Variants in TDP1 observed in about 807,000 individuals in gnomAD.
TDP1 encodes tyrosyl-DNA phosphodiesterase 1, also known as tyr-DNA phosphodiesterase 1.
A neutral mutation model predicts 81.5 loss-of-function variants in TDP1; 64 were observed. That is an observed-to-expected ratio of 0.79 (90% confidence interval 0.64 to 0.97). TDP1 has a LOEUF of 0.97. Among genes scored for constraint, TDP1 ranks in the 50% least tolerant of loss-of-function variants. TDP1 has a pLI of 0.00. For missense variants in TDP1, 723 were observed against 743.8 expected (o/e 0.97, Z 0.33); for synonymous variants, 256 against 264.3 (o/e 0.97, Z 0.30).
chr14:90,014,242 G>A (rs965211404), intron 14 of TDP1, among the ~76,000 whole-genome samples: 2 of 152,192 alleles, frequency 1.3e-5, no homozygotes, highest in African/African-American at 2.4e-5. Context: ...TAAAGATTAT[G>A]TTCCTGTGTA....
At chr14:90,038,188 T>G (rs1012504318) in intron 16 of TDP1, among the ~76,000 whole-genome samples, 2 of 152,210 alleles carry the variant, frequency 1.3e-5, no homozygotes, top group Non-Finnish European at 2.9e-5. Context: ...TTTCAAAATT[T>G]TTTTTAAAAT....
chr14:89,995,608 A>C (rs34966456), intron 14 of TDP1, among the ~76,000 whole-genome samples: 13,897 of 152,232 alleles, frequency 0.091, 1,383 homozygotes, highest in African/African-American at 0.25. Flanking sequence ...TAATAAAGGA[A>C]AGTATAGTTT....
chr14:89,998,738 C>T (rs930137731), intron 14 of TDP1, among the ~76,000 whole-genome samples: 3 of 151,582 alleles, frequency 2.0e-5, no homozygotes, highest in Non-Finnish European at 4.4e-5. Context: ...TGCTGAGGGA[C>T]GCGGGGTGGG....
intron 14 of TDP1, among the ~76,000 whole-genome samples, chr14:89,999,954 G>A (rs916099745): frequency 3.2e-4 from 48 of 152,246 alleles, no homozygotes; most frequent in Non-Finnish European, 6.0e-4. Context: ...CATGGTTCCC[G>A]TGGGTCAGGA....
intron 11 of TDP1, chr14:89,989,311 G>T: frequency 2.0e-6 from 2 of 985,050 alleles, no homozygotes; most frequent in Non-Finnish European, 2.4e-6. Context: ...TTGCCGATTC[G>T]TTCAGGAGCT....
At chr14:89,989,230 G>A (rs1895917315) in intron 11 of TDP1, 140 bp downstream of exon 11, 16 of 1,417,332 alleles carry the variant, frequency 1.1e-5, no homozygotes, top group Admixed American at 2.3e-5. Context: ...GGCGGGGTGC[G>A]GAAAGAGCAG....
intron 16 of TDP1, among the ~76,000 whole-genome samples, chr14:90,041,756 A>T (rs1194295807): frequency 6.6e-6 from 1 of 152,186 alleles, no homozygotes; most frequent in African/African-American, 2.4e-5. Context: ...AATCCTTGTG[A>T]TGTATTTACG....
At chr14:90,002,700 T>C (rs1171683231) in intron 14 of TDP1, among the ~76,000 whole-genome samples, 3 of 142,894 alleles carry the variant, frequency 2.1e-5, no homozygotes, top group African/African-American at 5.2e-5. Flanking sequence ...TAAAACCCCA[T>C]CTCTACAAAA....
rs1223616334 is a variant in TDP1 at position 89,998,370 on chromosome 14, CATTATATATA to C, written c.1541+4888_1541+4897del. Among the ~76,000 whole-genome samples, 363 of 98,254 alleles carry C rather than the reference CATTATATATA, an allele frequency of 3.7e-3. 3 individuals are homozygous for C. The highest frequency in any genetic ancestry group is 0.013 in the African/African-American group (277 of 20,546). 64.5% of individuals were successfully genotyped at this position (98,254 alleles called of 152,430 possible). A position where few individuals can be genotyped will look rare whatever the true frequency, so the allele number is the denominator to read the frequency against. ...GCAGTTCCAGGCACAGTTCCAAGCA[CATTATATATA>C]TATATATATATATATATATATATAT... On this transcript the variant is annotated intron_variant, in intron 14 of 16. Coordinates refer to ENST00000335725, the MANE Select transcript of TDP1 (RefSeq NM_018319.4).
Position 90,043,344 on chromosome 14 carries a change from C to T in TDP1, c.*201C>T. The T allele has an allele frequency of 1.5e-6, 1 of 652,424 alleles. No homozygotes were observed. The highest frequency in any genetic ancestry group is 2.6e-6 in the Non-Finnish European group (1 of 380,252). The allele number at this position is 652,424 out of a possible 1,614,324, so 40.4% of individuals were successfully genotyped here. On this transcript the variant is annotated 3_prime_UTR_variant, in exon 17 of 17. Coordinates refer to ENST00000335725, the MANE Select transcript of TDP1 (RefSeq NM_018319.4). ...CTAATAAAGTATTAGTTTCTTAATT[C>T]ACTTTTATATGTTTTGGAAAGAAAA... is the stretch of plus-strand genomic sequence containing the variant.
intron 10 of TDP1, among the ~76,000 whole-genome samples, chr14:89,986,619 G>A (rs1458671102): frequency 6.6e-6 from 1 of 152,200 alleles, no homozygotes; most frequent in Non-Finnish European, 1.5e-5. Context: ...AGGAAGGCCG[G>A]CCGGTGATTA....
intron 16 of TDP1, among the ~76,000 whole-genome samples, chr14:90,042,043 G>A (rs144559060): frequency 6.6e-5 from 10 of 152,266 alleles, no homozygotes; most frequent in African/African-American, 2.2e-4. Flanking sequence ...TAAGAGGGAC[G>A]GAGGAGGTGG....
At chr14:90,028,595 T>C (rs893567931) in intron 15 of TDP1, among the ~76,000 whole-genome samples, 37 of 152,214 alleles carry the variant, frequency 2.4e-4, no homozygotes, top group Non-Finnish European at 7.4e-5. Context: ...TCCTCTGTTT[T>C]GTAAAATGCC....
intron 15 of TDP1, among the ~76,000 whole-genome samples, chr14:90,030,978 G>A (rs1473923753): frequency 6.6e-6 from 1 of 151,416 alleles, no homozygotes; most frequent in African/African-American, 2.4e-5. Context: ...TCACCATGTT[G>A]TCTAGGCTGG....
intron 4 of TDP1, 48 bp downstream of exon 4, chr14:89,966,238 T>A: frequency 8.2e-7 from 1 of 1,217,842 alleles, no homozygotes; most frequent in Non-Finnish European, 1.2e-6. Context: ...AGTAGACAGG[T>A]AATTAAACAA....
At chr14:90,018,016 C>G (rs1388954990) in intron 14 of TDP1, among the ~76,000 whole-genome samples, 2 of 152,014 alleles carry the variant, frequency 1.3e-5, no homozygotes, top group African/African-American at 4.8e-5. Flanking sequence ...AAGAGTTTTC[C>G]TTAGCTCTGA....
chr14:89,971,257 A>T lies in TDP1; in HGVS notation c.742A>T (p.Ile248Phe). Residue 248 changes from isoleucine to phenylalanine, a missense_variant, in exon 6 of 17, where the codon ATC (isoleucine) becomes TTC (phenylalanine). Transcript: ENST00000335725. The stretch of plus-strand genomic sequence containing the variant: ...TGCCCAGGCCAAGCCTTACGAGAAC[A>T]TCTCTCTCTGCCAGGTAAGCCACTT... The part of the protein sequence containing the change: ...LHAQAKPYEN[I>F]SLCQAKLDIA... The T allele has an allele frequency of 6.2e-7, 1 of 1,613,994 alleles. No individual in the cohort carries two copies. Among genetic ancestry groups the T allele is most frequent in the Non-Finnish European group, 8.5e-7 (1 of 1,179,868 alleles).
intron 15 of TDP1, chr14:90,022,708 C>CGTTG (rs1267173851): frequency 1.0e-6 from 1 of 981,308 alleles, no homozygotes; most frequent in African/African-American, 1.7e-5. Context: ...TATATCACAA[C>CGTTG]ATCTATGTTG....
chr14:90,023,267 C>T (rs1886297748), intron 15 of TDP1, among the ~76,000 whole-genome samples: 2 of 152,170 alleles, frequency 1.3e-5, no homozygotes, highest in Non-Finnish European at 2.9e-5. Flanking sequence ...ATGAGCTTAA[C>T]TGCTGTCAGG....
Sources: allele counts gnomAD v4.1 joint callset (sites outside exome capture counted in the v4.1 genomes callset), GRCh38; gene constraint gnomAD v4.1.1; transcripts MANE v1.5; gene names NCBI Gene and HGNC (gene_info 2026-07-23, HGNC 2026-07-21).